The following GABBR2 variants were observed in gnomAD, a reference collection of about 807,000 sequenced individuals.
The protein encoded by GABBR2 is G-protein coupled receptor 51.
In GABBR2, 23 loss-of-function variants were observed where a neutral mutation model predicts 105.6. The observed-to-expected ratio is 0.22, with a 90% CI of 0.16 to 0.31. The LOEUF is 0.31. GABBR2 is among the 10% of genes least tolerant of loss of function. The pLI, the probability that GABBR2 is intolerant of heterozygous loss-of-function variation, is 1.00. For missense variants in GABBR2, 734 were observed against 1,245.5 expected (o/e 0.59, Z 6.18); for synonymous variants, 478 against 499.7 (o/e 0.96, Z 0.58).
intron 7 of GABBR2, among the ~76,000 whole-genome samples, chr9:98,428,898 C>T (rs1245745270): frequency 1.3e-5 from 2 of 152,186 alleles, no homozygotes; most frequent in East Asian, 3.9e-4. Context: ...GACTTTACTG[C>T]TCCTTTGCTT....
At chr9:98,598,936 A>G (rs181495302) in intron 1 of GABBR2, among the ~76,000 whole-genome samples, 19 of 152,292 alleles carry the variant, frequency 1.2e-4, no homozygotes, top group Admixed American at 1.0e-3. Flanking sequence ...AGCCTCTTAT[A>G]GACATAAATG....
intron 16 of GABBR2, among the ~76,000 whole-genome samples, chr9:98,302,045 T>C (rs1248465041): frequency 6.6e-6 from 1 of 152,250 alleles, no homozygotes; most frequent in African/African-American, 2.4e-5. Context: ...CAAGTATTAC[T>C]TGGGCTAAAC....
chr9:98,675,071 G>A (rs994393619), intron 1 of GABBR2, among the ~76,000 whole-genome samples: 1 of 152,198 alleles, frequency 6.6e-6, no homozygotes, highest in Non-Finnish European at 1.5e-5. Context: ...GCCTCTTAGA[G>A]GGTCTAGGGA....
chr9:98,451,384 A>T (rs1826226616), intron 7 of GABBR2, among the ~76,000 whole-genome samples: 1 of 152,238 alleles, frequency 6.6e-6, no homozygotes, highest in African/African-American at 2.4e-5. Context: ...TTCCAGCCTG[A>T]ATCTAGGCTG....
chr9:98,618,013 A>G (rs2131819105), intron 1 of GABBR2, among the ~76,000 whole-genome samples: 1 of 152,362 alleles, frequency 6.6e-6, no homozygotes, highest in East Asian at 1.9e-4. Flanking sequence ...TGGGTACAGA[A>G]AAAGCTTAGC....
intron 3 of GABBR2, among the ~76,000 whole-genome samples, chr9:98,541,364 T>C (rs1564109175): frequency 6.6e-6 from 1 of 151,726 alleles, no homozygotes; most frequent in Non-Finnish European, 1.5e-5. Context: ...TTTGGCTTTT[T>C]TTTCCCCCAC....
chr9:98,482,999 G>A (rs1368772192), intron 4 of GABBR2, among the ~76,000 whole-genome samples: 1 of 151,942 alleles, frequency 6.6e-6, no homozygotes, highest in African/African-American at 2.4e-5. Context: ...TTCTCTGTGT[G>A]CTGTGGACTC....
chr9:98,651,121 A>C (rs1023813998), intron 1 of GABBR2, among the ~76,000 whole-genome samples: 1 of 149,600 alleles, frequency 6.7e-6, no homozygotes, highest in Admixed American at 6.8e-5. Context: ...ACACCCACAC[A>C]CACACATACA....
chr9:98,639,355 G>A (rs548061832), intron 1 of GABBR2, among the ~76,000 whole-genome samples: 20 of 152,242 alleles, frequency 1.3e-4, no homozygotes, highest in African/African-American at 4.8e-4. Context: ...GCTACCATCT[G>A]TCACCACCTT....
At chr9:98,323,412 G>T (rs1010114913) in intron 13 of GABBR2, among the ~76,000 whole-genome samples, 2 of 152,362 alleles carry the variant, frequency 1.3e-5, no homozygotes, top group African/African-American at 2.4e-5. Context: ...CCCTGAGCTG[G>T]CAAGGGCAGC....
At chr9:98,398,810 T>G (rs946608614) in intron 8 of GABBR2, among the ~76,000 whole-genome samples, 2 of 152,198 alleles carry the variant, frequency 1.3e-5, no homozygotes, top group African/African-American at 4.8e-5. Context: ...TCACAAACAA[T>G]ACGCTATTGC....
chr9:98,454,594 T>C lies in GABBR2; in HGVS notation c.1000-377A>G, dbSNP rs1326840390. On this transcript the variant is annotated intron_variant, in intron 6 of 18. Coordinates refer to ENST00000259455, the MANE Select transcript of GABBR2 (RefSeq NM_005458.8). The surrounding 1 kb of genome is among the most constrained non-coding windows in gnomAD (Gnocchi z 4.6). ...GGCCCATATCCCGTATGTCTAAATGTTAAAGTTATAGCATATGAACAAACT... is the reference window on the plus strand; with the variant it reads ...GGCCCATATCCCGTATGTCTAAATGCTAAAGTTATAGCATATGAACAAACT... Among the ~76,000 whole-genome samples the C allele has an allele frequency of 6.6e-6, 1 of 152,146 alleles. No homozygotes were observed. The highest frequency in any genetic ancestry group is 2.4e-5 in the African/African-American group (1 of 41,440).
chr9:98,495,637 T>C (rs1166227638), intron 4 of GABBR2, among the ~76,000 whole-genome samples: 1 of 152,184 alleles, frequency 6.6e-6, no homozygotes, highest in African/African-American at 2.4e-5. Flanking sequence ...TGAGCATGGC[T>C]ACCCTACCCT....
intron 4 of GABBR2, among the ~76,000 whole-genome samples, chr9:98,488,309 C>G (rs1827102201): frequency 6.6e-6 from 1 of 152,204 alleles, no homozygotes; most frequent in Non-Finnish European, 1.5e-5. Context: ...TCCCTCCTCT[C>G]TCTGCTGGGG....
intron 3 of GABBR2, among the ~76,000 whole-genome samples, chr9:98,525,381 A>G (rs186120571): frequency 1.3e-5 from 2 of 152,374 alleles, no homozygotes; most frequent in East Asian, 3.9e-4. Context: ...GGATATACAA[A>G]TAGCTAATAA....
intron 1 of GABBR2, among the ~76,000 whole-genome samples, chr9:98,707,677 C>T (rs1830915567): frequency 1.3e-5 from 2 of 152,366 alleles, no homozygotes; most frequent in African/African-American, 4.8e-5. Context: ...TGCAGCCGCC[C>T]GGCCAACAGC....
chr9:98,435,051 G>A (rs1825877335), intron 7 of GABBR2, among the ~76,000 whole-genome samples: 1 of 152,118 alleles, frequency 6.6e-6, no homozygotes, highest in Admixed American at 6.6e-5. Flanking sequence ...AAGCCTAAAG[G>A]GCCAGGCTCA....
At chr9:98,315,703 A>G (rs1287156675) in intron 13 of GABBR2, among the ~76,000 whole-genome samples, 1 of 152,216 alleles carries the variant, frequency 6.6e-6, no homozygotes, top group Admixed American at 6.5e-5. Context: ...GCACCAAAGC[A>G]GCACCACTAG....
At chr9:98,591,954 C>A (rs1829152208) in intron 1 of GABBR2, among the ~76,000 whole-genome samples, 1 of 152,206 alleles carries the variant, frequency 6.6e-6, no homozygotes, top group Non-Finnish European at 1.5e-5. Flanking sequence ...TGGCAATAAA[C>A]AAACCCTAAA....
Sources: allele counts gnomAD v4.1 joint callset (sites outside exome capture counted in the v4.1 genomes callset), GRCh38; gene constraint gnomAD v4.1.1; non-coding constraint Gnocchi (gnomAD v3.1); transcripts MANE v1.5; gene names NCBI Gene and HGNC (gene_info 2026-07-23, HGNC 2026-07-21).